The following LSM14B variants were observed in gnomAD, a reference collection of about 807,000 sequenced individuals.
LSM14B encodes the protein protein LSM14 homolog B.
LSM14B carries 8 observed loss-of-function variants against 42.1 expected under a neutral mutation model. That is an observed-to-expected ratio of 0.19 (90% confidence interval 0.11 to 0.34). The LOEUF (loss-of-function observed/expected upper bound fraction) is 0.34, where lower values mean the gene tolerates loss of function less well. Among genes scored for constraint, LSM14B ranks in the 10% least tolerant of loss-of-function variants. The pLI is 1.00. For synonymous variants in LSM14B, 219 were observed against 209.7 expected, an observed-to-expected ratio of 1.04 and a Z score of -0.38; for missense variants, 396 against 513.1, an observed-to-expected ratio of 0.77 and a Z score of 2.21.
At position 62,122,802 on chromosome 20, in the gene LSM14B, C is replaced by T. The variant is rs745911984; in HGVS notation, c.127+9C>T. On this transcript the variant is annotated intron_variant, in intron 1 of 8. Transcript: ENST00000279068. The surrounding 1 kb of genome is among the most constrained non-coding windows in gnomAD (Gnocchi z 4.6). Reference sequence around the variant, plus strand: ...CGTGGCGCTCGCCAAAGGTAGCGGCCGCCGCCCGCCCGAGCCCGCTGACCC... The same window carrying T: ...CGTGGCGCTCGCCAAAGGTAGCGGCTGCCGCCCGCCCGAGCCCGCTGACCC... 4 of 1,491,572 alleles carry T rather than the reference C, an allele frequency of 2.7e-6. No homozygotes were observed. The highest frequency in any genetic ancestry group is 2.9e-5 in the African/African-American group (2 of 68,290). 92.4% of individuals were successfully genotyped at this position (1,491,572 alleles called of 1,614,324 possible).
In LSM14B at chr20:62,130,156, A is replaced by G. The variant is rs1295422572; in HGVS notation, c.596-63A>G. The stretch of plus-strand genomic sequence containing the variant: ...CCATGGTGGTGGGGCCTGCTTCCAC[A>G]GCTGGGTTCTGGCTTCCGGCTGCTA... On this transcript the variant is annotated intron_variant, in intron 4 of 8. Transcript: ENST00000279068. The surrounding 1 kb of genome is among the most constrained non-coding windows in gnomAD (Gnocchi z 4.1). The G allele has an allele frequency of 1.3e-6, 2 of 1,546,062 alleles. No individual in the cohort carries two copies. The highest frequency in any genetic ancestry group is 1.7e-6 in the Non-Finnish European group (2 of 1,143,046).
At chr20:62,129,737 T>G in intron 3 of LSM14B, 48 bp from the exon 4 acceptor site, 2 of 1,528,938 alleles carry the variant, frequency 1.3e-6, no homozygotes, top group African/African-American at 1.4e-5. Flanking sequence ...ATATAAGGCT[T>G]GCTTCTTTTC....
intron 7 of LSM14B, 42 bp from the exon 8 acceptor site, chr20:62,133,248 G>T: frequency 6.2e-7 from 1 of 1,604,004 alleles, no homozygotes; most frequent in Non-Finnish European, 8.5e-7. Flanking sequence ...AGAAGCCTGG[G>T]AGTCAGTGCC....
At position 62,122,956 on chromosome 20, in the gene LSM14B, C is replaced by T. The variant is rs1012308809; in HGVS notation, c.127+163C>T. ...CGAGATCCCCTGCCCGCGCCTTCAC[C>T]CCGGACGCCCCCGAGGCGCCCCCTT... On this transcript the variant is annotated intron_variant, in intron 1 of 8. Transcript: ENST00000279068. This position sits in a 1 kb window ranked among gnomAD's most constrained non-coding sequence, Gnocchi z 4.6. Among the ~76,000 whole-genome samples the T allele has an allele frequency of 6.6e-6, 1 of 151,772 alleles. No individual in the cohort carries two copies. The highest frequency in any genetic ancestry group is 2.4e-5 in the African/African-American group (1 of 41,372).
At chr20:62,127,691 C>G in intron 3 of LSM14B, 1 of 1,549,846 alleles carries the variant, frequency 6.5e-7, no homozygotes, top group Non-Finnish European at 8.7e-7. Flanking sequence ...CACAGCAGCT[C>G]ACTGCCAAGG....
intron 3 of LSM14B, chr20:62,128,797 C>A (rs2056679576): frequency 2.1e-6 from 1 of 478,996 alleles, no homozygotes; most frequent in Admixed American, 3.4e-5. Context: ...TTCTCTTGAT[C>A]TGGTTACAAG....
chr20:62,129,965 A>T lies in LSM14B; in HGVS notation c.595+13A>T. On this transcript the variant is annotated intron_variant, in intron 4 of 8. Transcript: ENST00000279068. ...AAGACGGCCAGCGGTACTTGAACAC[A>T]TCATTTCCTGGAGTTTGCTTGATGT... 6.3e-7 allele frequency: 1 copy of T among 1,599,476 alleles called. No homozygotes were observed. Among genetic ancestry groups the T allele is most frequent in the Non-Finnish European group, 8.5e-7 (1 of 1,173,772 alleles).
chr20:62,122,583 CG>C lies in LSM14B; in HGVS notation c.-82del. On this transcript the variant is annotated 5_prime_UTR_variant, in exon 1 of 9. Transcript: ENST00000279068. The surrounding 1 kb of genome is among the most constrained non-coding windows in gnomAD (Gnocchi z 4.6). The stretch of plus-strand genomic sequence containing the variant: ...GCGGGCGGAGGAGCGCAGGAGCGGG[CG>C]GCCAGGCCACCGCGCGGCGGCGGAG... The C allele has an allele frequency of 1.0e-6, 1 of 960,740 alleles. No homozygotes were observed. Among genetic ancestry groups the C allele is most frequent in the African/African-American group, 1.8e-5 (1 of 56,050 alleles). 59.5% of individuals were successfully genotyped at this position (960,740 alleles called of 1,614,324 possible). A position where few individuals can be genotyped will look rare whatever the true frequency, so the allele number is the denominator to read the frequency against.
Position 62,122,864 on chromosome 20 carries a change from C to A in LSM14B, c.127+71C>A. 1 of 1,237,500 alleles carries A rather than the reference C, an allele frequency of 8.1e-7. No individual in the cohort carries two copies. The highest frequency in any genetic ancestry group is 1.0e-6 in the Non-Finnish European group (1 of 974,612). 76.7% of individuals were successfully genotyped at this position (1,237,500 alleles called of 1,614,324 possible). ...CAGCCCCGGCCTGCGGTGCCCTCCC[C>A]GCCCCGGGGCGCCCCGGAGCCTGGC... is the stretch of plus-strand genomic sequence containing the variant. On this transcript the variant is annotated intron_variant, in intron 1 of 8. Transcript: ENST00000279068. This position sits in a 1 kb window ranked among gnomAD's most constrained non-coding sequence, Gnocchi z 4.6.
chr20:62,131,023 C>T (rs1368301352), intron 6 of LSM14B, among the ~76,000 whole-genome samples: 6 of 152,062 alleles, frequency 3.9e-5, no homozygotes, highest in East Asian at 1.9e-4. Flanking sequence ...GCACTCCAGC[C>T]GGGCGATAGA....
chr20:62,124,577 C>T (rs1309225540), intron 1 of LSM14B, 40 bp from the exon 2 acceptor site: 5 of 1,598,002 alleles, frequency 3.1e-6, no homozygotes, highest in African/African-American at 2.7e-5. Flanking sequence ...ATTGAACTGG[C>T]TGAGGACAAC....
intron 7 of LSM14B, among the ~76,000 whole-genome samples, chr20:62,132,942 C>T (rs796373274): frequency 3.9e-5 from 6 of 152,174 alleles, no homozygotes; most frequent in Admixed American, 1.3e-4. Flanking sequence ...CTTCATGGTC[C>T]GGTCTCAGGT....
rs938560122 is a variant in LSM14B, at chr20:62,130,242, C to G, written c.619C>G (p.Gln207Glu). 1.4e-5 allele frequency: 22 copies of G among 1,605,244 alleles called. No homozygotes were observed. The Admixed American group carries it at 3.1e-4, about 22-fold the overall frequency. The change falls in exon 5 of 9, where the codon CAA becomes GAA. Residue 207 changes from glutamine to glutamate, a missense_variant. This residue lies in a region of LSM14B where 274 missense variants were observed against 335.8 expected (regional missense o/e 0.82). Coordinates refer to ENST00000279068, the MANE Select transcript of LSM14B (RefSeq NM_144703.3). The surrounding 1 kb of genome is among the most constrained non-coding windows in gnomAD (Gnocchi z 4.1). ...AGATGTAGTCCAGCCGGCAGCTGTG[C>G]AAGCTCAAGGGCAGGTGAATGACGA... ...ASDVVQPAAV[Q>E]AQGQVNDENR...
Position 62,126,318 on chromosome 20 carries a change from T to G in LSM14B, c.306T>G (p.Ser102=). 2.5e-6 allele frequency: 4 copies of G among 1,613,934 alleles called. No individual in the cohort carries two copies. The highest frequency in any genetic ancestry group is 3.4e-6 in the Non-Finnish European group (4 of 1,179,906). The change falls in exon 3 of 9, where the codon TCT becomes TCG. Residue 102 remains serine (S), a synonymous_variant. Transcript: ENST00000279068. ...DPAIVQSSLG[S]ASASPFQPHV... ...TCGTTGTTCAGTCTTCCCTGGGTTC[T>G]GCCTCCGCCTCGCCCTTCCAGCCGC... is the stretch of plus-strand genomic sequence containing the variant.
At position 62,122,685 on chromosome 20, in the gene LSM14B, A is replaced by G. The variant is rs2056436130; in HGVS notation, c.19A>G (p.Thr7Ala). The G allele has an allele frequency of 1.4e-6, 2 of 1,477,830 alleles. No homozygotes were observed. Among genetic ancestry groups the G allele is most frequent in the Non-Finnish European group, 1.8e-6 (2 of 1,103,240 alleles). The allele number at this position is 1,477,830 out of a possible 1,614,324, so 91.5% of individuals were successfully genotyped here. A position where few individuals can be genotyped will look rare whatever the true frequency, so the allele number is the denominator to read the frequency against. MSGSSG[T>A]PYLGSKISLI... ...CGCCGCCATGAGCGGCTCCTCAGGCACCCCGTATCTGGGCAGCAAGATCAG... is the reference window on the plus strand; with the variant it reads ...CGCCGCCATGAGCGGCTCCTCAGGCGCCCCGTATCTGGGCAGCAAGATCAG... The change falls in exon 1 of 9, where the codon ACC becomes GCC. Residue 7 changes from threonine to alanine, a missense_variant. Physicochemically the swap from Thr to Ala is moderately conservative, Grantham distance 58. Transcript: ENST00000279068. This position sits in a 1 kb window ranked among gnomAD's most constrained non-coding sequence, Gnocchi z 4.6.
Position 62,134,438 on chromosome 20 carries a change from G to A in LSM14B, c.*290G>A. 1 of 308,658 alleles carries A rather than the reference G, an allele frequency of 3.2e-6. No individual in the cohort carries two copies. Among genetic ancestry groups the A allele is most frequent in the Non-Finnish European group, 6.7e-6 (1 of 150,188 alleles). The allele number at this position is 308,658 out of a possible 1,614,324, so 19.1% of individuals were successfully genotyped here. A position where few individuals can be genotyped will look rare whatever the true frequency, so the allele number is the denominator to read the frequency against. ...CTAAGGTTTTGGTATTTTGCAAAAA[G>A]GTTTCTATAGTGAAAGCTGAATCCT... On this transcript the variant is annotated 3_prime_UTR_variant, in exon 9 of 9. Transcript: ENST00000279068.
intron 7 of LSM14B, among the ~76,000 whole-genome samples, chr20:62,132,326 C>T (rs1303811853): frequency 6.6e-6 from 1 of 152,202 alleles, no homozygotes; most frequent in East Asian, 1.9e-4. Context: ...TTTTGTAGGG[C>T]ATGGCAGTGA....
intron 2 of LSM14B, 102 bp downstream of exon 2, chr20:62,124,882 CT>C (rs11480126): frequency 0.014 from 12,597 of 886,660 alleles, 61 homozygotes; most frequent in African/African-American, 0.067. Context: ...GAGGAATAAC[CT>C]TTTTTTTTTT....
chr20:62,125,953 G>C (rs1442630911), intron 2 of LSM14B, among the ~76,000 whole-genome samples: 1 of 152,166 alleles, frequency 6.6e-6, no homozygotes, highest in African/African-American at 2.4e-5. Context: ...TCAGCTACTC[G>C]GGAGGCTGAG....
Sources: allele counts gnomAD v4.1 joint callset (sites outside exome capture counted in the v4.1 genomes callset), GRCh38; gene constraint gnomAD v4.1.1; regional missense constraint gnomAD v4.1.1; non-coding constraint Gnocchi (gnomAD v3.1); transcripts MANE v1.5; gene names NCBI Gene and HGNC (gene_info 2026-07-23, HGNC 2026-07-21).